RUNDC3B: variants seen among roughly 807,000 people sequenced by gnomAD.
RUNDC3B encodes the protein RUN domain-containing protein 3B.
Under a neutral mutation model 58.4 loss-of-function variants are expected in RUNDC3B, and 33 were observed. The ratio of observed to expected loss-of-function variants is 0.56; its 90% CI spans 0.43 to 0.75. The LOEUF (loss-of-function observed/expected upper bound fraction) is 0.75, where lower values mean the gene tolerates loss of function less well. RUNDC3B is among the 30% of genes least tolerant of loss of function. RUNDC3B has a pLI of 0.00. For missense variants in RUNDC3B, 501 were observed against 535.7 expected (o/e 0.94, Z 0.64); for synonymous variants, 193 against 195.2 (o/e 0.99, Z 0.10).
chr7:87,722,207 T>C (rs1328832462), intron 4 of RUNDC3B, among the ~76,000 whole-genome samples: 1 of 152,094 alleles, frequency 6.6e-6, no homozygotes, highest in East Asian at 1.9e-4. Context: ...TTTTTTGTAG[T>C]GAGGACATTT....
chr7:87,831,604 T>C lies in RUNDC3B; in HGVS notation c.*1574T>C, dbSNP rs1332725430. ...AATATTCTTGAGAAATGATACATTT[T>C]TTGTTCTCAATTTCTCAATTCTACA... is the stretch of plus-strand genomic sequence containing the variant. On this transcript the variant is annotated 3_prime_UTR_variant, in exon 11 of 11. Transcript: ENST00000394654. 2 of 151,970 alleles carry C rather than the reference T, an allele frequency of 1.3e-5. No individual in the cohort carries two copies. Among genetic ancestry groups the C allele is most frequent in the Non-Finnish European group, 2.9e-5 (2 of 67,874 alleles). The allele number at this position is 151,970 out of a possible 1,614,324, so 9.4% of individuals were successfully genotyped here. A position where few individuals can be genotyped will look rare whatever the true frequency, so the allele number is the denominator to read the frequency against.
intron 1 of RUNDC3B, among the ~76,000 whole-genome samples, chr7:87,634,647 A>G (rs1821582179): frequency 1.3e-5 from 2 of 152,132 alleles, no homozygotes; most frequent in South Asian, 4.1e-4. Context: ...AGAAAAAAAA[A>G]AGAACTTTAA....
chr7:87,754,078 G>A (rs369635844), intron 6 of RUNDC3B, among the ~76,000 whole-genome samples: 4 of 151,798 alleles, frequency 2.6e-5, no homozygotes, highest in East Asian at 3.9e-4. Context: ...TGCTTGTGCT[G>A]AAAAGGGCTT....
chr7:87,700,107 G>T (rs1272050723), intron 2 of RUNDC3B, among the ~76,000 whole-genome samples: 1 of 151,970 alleles, frequency 6.6e-6, no homozygotes, highest in Admixed American at 6.6e-5. Flanking sequence ...CTATTTAAGC[G>T]ACTGTATTAG....
At chr7:87,719,802 C>T (rs1023915933) in intron 4 of RUNDC3B, among the ~76,000 whole-genome samples, 1 of 151,450 alleles carries the variant, frequency 6.6e-6, no homozygotes, top group African/African-American at 2.4e-5. Flanking sequence ...AATTAAATCC[C>T]TTCTCACATT....
At chr7:87,826,005 A>G (rs1225297875) in intron 10 of RUNDC3B, among the ~76,000 whole-genome samples, 1 of 152,162 alleles carries the variant, frequency 6.6e-6, no homozygotes, top group African/African-American at 2.4e-5. Flanking sequence ...CTCAGATGAC[A>G]TTGGACTGTG....
intron 2 of RUNDC3B, among the ~76,000 whole-genome samples, chr7:87,682,842 G>T (rs1827061807): frequency 6.6e-6 from 1 of 152,210 alleles, no homozygotes; most frequent in African/African-American, 2.4e-5. Flanking sequence ...AAGAGAGTCA[G>T]CCTGTCCTTT....
intron 10 of RUNDC3B, among the ~76,000 whole-genome samples, chr7:87,824,356 G>A (rs111506017): frequency 6.6e-6 from 1 of 152,178 alleles, no homozygotes; most frequent in Non-Finnish European, 1.5e-5. Context: ...AAAAAGGGGA[G>A]TTTCCCTGCA....
intron 4 of RUNDC3B, among the ~76,000 whole-genome samples, chr7:87,723,440 T>TTATGA (rs748872855): frequency 5.3e-5 from 8 of 152,182 alleles, no homozygotes; most frequent in Non-Finnish European, 7.4e-5. Flanking sequence ...TATAACTACC[T>TTATGA]TATGATTCTT....
intron 7 of RUNDC3B, among the ~76,000 whole-genome samples, chr7:87,773,196 A>G (rs990083524): frequency 6.6e-6 from 1 of 151,798 alleles, no homozygotes; most frequent in Non-Finnish European, 1.5e-5. Flanking sequence ...GGTGGCGGGC[A>G]CCTGTAGTCC....
chr7:87,773,658 C>CTTGTTTTGTTTTGTT lies in RUNDC3B; in HGVS notation c.798+2933_798+2947dup, dbSNP rs10699526. ...TTGGTTTGTTTTGTTTTTGTCTTGT[C>CTTGTTTTGTTTTGTT]TTGTTTTGTTTTGTTTTGTTTTGTT... On this transcript the variant is annotated intron_variant, in intron 7 of 10. Coordinates refer to ENST00000394654, the MANE Select transcript of RUNDC3B (RefSeq NM_001134405.2). Among the ~76,000 whole-genome samples the CTTGTTTTGTTTTGTT allele has an allele frequency of 3.7e-3, 541 of 147,284 alleles. 4 individuals are homozygous for CTTGTTTTGTTTTGTT. Among genetic ancestry groups the CTTGTTTTGTTTTGTT allele is most frequent in the African/African-American group, 6.7e-3 (265 of 39,740 alleles).
intron 1 of RUNDC3B, among the ~76,000 whole-genome samples, chr7:87,631,760 G>A (rs143945126): frequency 1.6e-4 from 24 of 152,218 alleles, no homozygotes; most frequent in Non-Finnish European, 3.1e-4. Context: ...TTGATCTGGT[G>A]GAAATATAAC....
rs550784104 is a variant in RUNDC3B at position 87,792,867 on chromosome 7, T to A, written c.957-14506T>A. Among the ~76,000 whole-genome samples, 3 of 151,758 alleles carry A rather than the reference T, an allele frequency of 2.0e-5. No homozygotes were observed. The East Asian group carries it at 5.8e-4, about 29-fold the overall frequency. ...ATAATAAAGTGCAGAATAAATGAAA[T>A]TGAAATGAAATGAAAACTATACAAA... On this transcript the variant is annotated intron_variant, in intron 8 of 10. Coordinates refer to ENST00000394654, the MANE Select transcript of RUNDC3B (RefSeq NM_001134405.2).
At chr7:87,682,498 G>A (rs143432390) in intron 2 of RUNDC3B, among the ~76,000 whole-genome samples, 254 of 152,240 alleles carry the variant, frequency 1.7e-3, no homozygotes, top group African/African-American at 5.5e-3. Flanking sequence ...CCTGATCCCT[G>A]GGCTACAGAT....
intron 3 of RUNDC3B, among the ~76,000 whole-genome samples, chr7:87,701,272 A>G (rs970715589): frequency 6.6e-6 from 1 of 152,194 alleles, no homozygotes; most frequent in Non-Finnish European, 1.5e-5. Flanking sequence ...TCAAAAAAAG[A>G]AGAAAGAAGT....
At chr7:87,801,068 G>A (rs1423642672) in intron 8 of RUNDC3B, among the ~76,000 whole-genome samples, 1 of 152,180 alleles carries the variant, frequency 6.6e-6, no homozygotes, top group Non-Finnish European at 1.5e-5. Flanking sequence ...ATGAGGTCAG[G>A]TGTGGAATTT....
At chr7:87,758,520 T>G (rs1000353013) in intron 6 of RUNDC3B, among the ~76,000 whole-genome samples, 1 of 152,086 alleles carries the variant, frequency 6.6e-6, no homozygotes, top group Non-Finnish European at 1.5e-5. Context: ...AAGGAAGCAG[T>G]CAACATAGTG....
At chr7:87,810,756 G>T (rs2130940021) in intron 9 of RUNDC3B, among the ~76,000 whole-genome samples, 1 of 152,172 alleles carries the variant, frequency 6.6e-6, no homozygotes, top group East Asian at 1.9e-4. Flanking sequence ...GTTAGACCCG[G>T]CAAGCTATGC....
At chr7:87,702,923 T>C (rs75061094) in intron 3 of RUNDC3B, among the ~76,000 whole-genome samples, 165 of 152,288 alleles carry the variant, frequency 1.1e-3, no homozygotes, top group African/African-American at 3.9e-3. Flanking sequence ...AGGTTGAGTA[T>C]ACCTAACTAA....
Sources: gnomAD v4.1 joint callset for allele counts (sites outside exome capture counted in the v4.1 genomes callset) on GRCh38, gnomAD v4.1.1 for gene constraint, MANE v1.5 for transcripts, NCBI Gene and HGNC (gene_info 2026-07-23, HGNC 2026-07-21) for gene names.